The following GABBR2 variants were observed in gnomAD, a reference collection of about 807,000 sequenced individuals.
GABBR2 encodes the protein gamma-aminobutyric acid type B receptor subunit 2.
A neutral mutation model predicts 105.6 loss-of-function variants in GABBR2; 23 were observed. That is an observed-to-expected ratio of 0.22 (90% CI 0.16 to 0.31). The LOEUF is 0.31. Ranked by LOEUF, GABBR2 falls within the 10% of genes least tolerant of loss-of-function variation. The pLI is 1.00. For missense variants in GABBR2, 734 were observed against 1,245.5 expected (o/e 0.59, Z 6.18); for synonymous variants, 478 against 499.7 (o/e 0.96, Z 0.58).
intron 7 of GABBR2, among the ~76,000 whole-genome samples, chr9:98,414,262 A>G (rs1050953913): frequency 1.3e-5 from 2 of 152,240 alleles, no homozygotes; most frequent in Admixed American, 1.3e-4. Context: ...TGGCATTTGC[A>G]CTGAAACCTG....
chr9:98,684,169 TAAAAAAAA>T lies in GABBR2; in HGVS notation c.321+24240_321+24247del, dbSNP rs3032196. Among the ~76,000 whole-genome samples the T allele has an allele frequency of 1.3e-3, 88 of 66,142 alleles. 1 individual carries two copies. Among genetic ancestry groups the T allele is most frequent in the Non-Finnish European group, 1.9e-3 (68 of 36,730 alleles). 43.4% of individuals were successfully genotyped at this position (66,142 alleles called of 152,430 possible). A position where few individuals can be genotyped will look rare whatever the true frequency, so the allele number is the denominator to read the frequency against. On this transcript the variant is annotated intron_variant, in intron 1 of 18. Coordinates refer to ENST00000259455, the MANE Select transcript of GABBR2 (RefSeq NM_005458.8). ...AAAAGAAGAATGCATTTTACCACGG[TAAAAAAAA>T]AAAAAAAAAAAAAAAAAATTGGTTG...
chr9:98,612,693 C>T (rs554566605), intron 1 of GABBR2, among the ~76,000 whole-genome samples: 3 of 152,254 alleles, frequency 2.0e-5, no homozygotes, highest in East Asian at 3.9e-4. Context: ...AATTTAAAGA[C>T]ATAGCATTAC....
chr9:98,469,011 C>A (rs931790064), intron 6 of GABBR2, among the ~76,000 whole-genome samples: 6 of 152,182 alleles, frequency 3.9e-5, no homozygotes, highest in Non-Finnish European at 8.8e-5. Context: ...GTGGGGCTGC[C>A]AACAAGTTCC....
chr9:98,357,140 T>G (rs559688071), intron 13 of GABBR2, among the ~76,000 whole-genome samples: 1 of 152,178 alleles, frequency 6.6e-6, no homozygotes, highest in African/African-American at 2.4e-5. Context: ...TGAACCCTAA[T>G]GTAAACTATG....
chr9:98,308,693 G>T (rs1830589670), intron 14 of GABBR2, among the ~76,000 whole-genome samples: 1 of 152,174 alleles, frequency 6.6e-6, no homozygotes, highest in Admixed American at 6.5e-5. Context: ...GGCATGCCTG[G>T]AACCATCAGG....
At chr9:98,308,135 G>A (rs1830579340) in intron 14 of GABBR2, among the ~76,000 whole-genome samples, 2 of 152,200 alleles carry the variant, frequency 1.3e-5, no homozygotes, top group Admixed American at 1.3e-4. Context: ...TTGGGAGGCT[G>A]AGGCAGGAGA....
At position 98,306,077 on chromosome 9, in the gene GABBR2, G is replaced by T; in HGVS notation, c.2229+44C>A. 3 of 1,317,858 alleles carry T rather than the reference G, an allele frequency of 2.3e-6. No homozygotes were observed. The highest frequency in any genetic ancestry group is 3.3e-6 in the Non-Finnish European group (3 of 914,918). The allele number at this position is 1,317,858 out of a possible 1,614,324, so 81.6% of individuals were successfully genotyped here. On this transcript the variant is annotated intron_variant, in intron 15 of 18. Coordinates refer to ENST00000259455, the MANE Select transcript of GABBR2 (RefSeq NM_005458.8). This position sits in a 1 kb window ranked among gnomAD's most constrained non-coding sequence, Gnocchi z 5.4. ...GAAAAGCCAGCAATGCCCCTGTGCT[G>T]GAGTCAGAGGGCAGAGGCCAGGTGG...
intron 1 of GABBR2, among the ~76,000 whole-genome samples, chr9:98,618,486 ATCTCTCTCTCTCTCTC>A (rs10611275): frequency 2.1e-5 from 3 of 145,072 alleles, no homozygotes; most frequent in African/African-American, 5.2e-5. Context: ...GGTCTGCTGC[ATCTCTCTCTCTCTCTC>A]TCTCTCTCTC....
intron 3 of GABBR2, among the ~76,000 whole-genome samples, chr9:98,518,092 C>T (rs545406650): frequency 2.6e-5 from 4 of 152,316 alleles, no homozygotes; most frequent in Non-Finnish European, 5.9e-5. Flanking sequence ...TGGCTGCTTC[C>T]TGGCTTGGTT....
intron 2 of GABBR2, among the ~76,000 whole-genome samples, chr9:98,562,975 G>C (rs1170833940): frequency 2.0e-5 from 3 of 150,214 alleles, no homozygotes; most frequent in Non-Finnish European, 4.4e-5. Flanking sequence ...GGGGCTGAGG[G>C]GGGAGGATCG....
intron 13 of GABBR2, among the ~76,000 whole-genome samples, chr9:98,329,863 T>TTCTC (rs549774439): frequency 4.7e-5 from 7 of 149,984 alleles, no homozygotes; most frequent in African/African-American, 9.8e-5. Flanking sequence ...TTTCTTCTTC[T>TTCTC]TCTCTCTCTC....
intron 4 of GABBR2, among the ~76,000 whole-genome samples, chr9:98,482,875 T>G (rs1447887929): frequency 6.6e-6 from 1 of 152,090 alleles, no homozygotes; most frequent in Non-Finnish European, 1.5e-5. Flanking sequence ...CTCATACTCC[T>G]CATCATCAGC....
chr9:98,615,053 C>A (rs1195260253), intron 1 of GABBR2, among the ~76,000 whole-genome samples: 1 of 152,200 alleles, frequency 6.6e-6, no homozygotes, highest in Non-Finnish European at 1.5e-5. Context: ...TCTGATGGAT[C>A]CTTCCATGAG....
rs377640774 is a variant in GABBR2 at position 98,577,992 on chromosome 9, G to T, written c.402C>A (p.Val134=). ...CAATGATGGATGTGACGGATGGACA[G>T]ACGCCTCCAAACACCATCAAGTGGT... ...GPNHLMVFGG[V]CPSVTSIIAE... The change falls in exon 2 of 19, where the codon GTC becomes GTA. Residue 134 remains valine, a synonymous_variant. Coordinates refer to ENST00000259455, the MANE Select transcript of GABBR2 (RefSeq NM_005458.8). 1.8e-5 allele frequency: 29 copies of T among 1,613,952 alleles called. No homozygotes were observed. The highest frequency in any genetic ancestry group is 2.0e-5 in the Non-Finnish European group (24 of 1,179,914).
intron 2 of GABBR2, among the ~76,000 whole-genome samples, chr9:98,569,151 C>A (rs1436017495): frequency 6.6e-6 from 1 of 152,188 alleles, no homozygotes; most frequent in Non-Finnish European, 1.5e-5. Flanking sequence ...TAGAGAGCAG[C>A]AGCAACAGTT....
intron 13 of GABBR2, among the ~76,000 whole-genome samples, chr9:98,322,433 G>A (rs1388114373): frequency 6.6e-6 from 1 of 151,964 alleles, no homozygotes; most frequent in African/African-American, 2.4e-5. Context: ...TCTTGCCCTC[G>A]GTCAGGACCT....
At chr9:98,529,703 T>C (rs1221229091) in intron 3 of GABBR2, among the ~76,000 whole-genome samples, 1 of 152,226 alleles carries the variant, frequency 6.6e-6, no homozygotes, top group Non-Finnish European at 1.5e-5. Context: ...TGTAATCTTA[T>C]TATTTTTCCT....
chr9:98,401,242 C>T (rs1412593894), intron 8 of GABBR2, among the ~76,000 whole-genome samples: 1 of 152,160 alleles, frequency 6.6e-6, no homozygotes, highest in African/African-American at 2.4e-5. Context: ...AGAGACTAAG[C>T]TTCTTTGCCT....
chr9:98,605,693 A>G (rs1341974183), intron 1 of GABBR2, among the ~76,000 whole-genome samples: 1 of 151,992 alleles, frequency 6.6e-6, no homozygotes, highest in Non-Finnish European at 1.5e-5. Flanking sequence ...TAGTCATGAG[A>G]CTCCAGCACA....
Sources: gnomAD v4.1 joint callset for allele counts (sites outside exome capture counted in the v4.1 genomes callset) on GRCh38, gnomAD v4.1.1 for gene constraint, Gnocchi (gnomAD v3.1) non-coding constraint, MANE v1.5 for transcripts, NCBI Gene and HGNC (gene_info 2026-07-23, HGNC 2026-07-21) for gene names.